NAPG: variants seen among roughly 807,000 people sequenced by gnomAD.
NAPG encodes the protein gamma-soluble NSF attachment protein.
In NAPG, 25 loss-of-function variants were observed where a neutral mutation model predicts 48.4. The ratio of observed to expected loss-of-function variants is 0.52; its 90% CI spans 0.38 to 0.72. The LOEUF (loss-of-function observed/expected upper bound fraction) is 0.72, where lower values mean the gene tolerates loss of function less well. NAPG is among the 30% of genes least tolerant of loss of function. NAPG has a pLI of 0.00. For missense variants in NAPG, 359 were observed against 372.5 expected (o/e 0.96, Z 0.30); for synonymous variants, 139 against 127.2 (o/e 1.09, Z -0.62).
chr18:10,549,008 A>T lies in NAPG; in HGVS notation c.707A>T (p.Glu236Val). 1.2e-6 allele frequency: 2 copies of T among 1,613,946 alleles called. No individual in the cohort carries two copies. Among genetic ancestry groups the T allele is most frequent in the South Asian group, 1.1e-5 (1 of 91,076 alleles). ...FNGSEDCAAL[E>V]QLLEGYDQQD... ...GGCAGTGAAGACTGTGCTGCCCTGGAACAGCTTCTTGAAGGTTATGACCAG... is the reference window on the plus strand; with the variant it reads ...GGCAGTGAAGACTGTGCTGCCCTGGTACAGCTTCTTGAAGGTTATGACCAG... The change falls in exon 11 of 12, where the codon GAA (glutamate) becomes GTA (valine). Residue 236 changes from glutamate (E) to valine (V), a missense_variant. Coordinates refer to ENST00000322897, the MANE Select transcript of NAPG (RefSeq NM_003826.3).
At chr18:10,537,216 C>T (rs1476272321) in intron 5 of NAPG, among the ~76,000 whole-genome samples, 1 of 152,146 alleles carries the variant, frequency 6.6e-6, no homozygotes, top group Admixed American at 6.5e-5. Context: ...GCCTCAACCT[C>T]CCAAAGTGCT....
chr18:10,526,082 G>T lies in NAPG; in HGVS notation c.-21G>T, dbSNP rs754204489. The T allele has an allele frequency of 2.5e-6, 4 of 1,611,304 alleles. No homozygotes were observed. The highest frequency in any genetic ancestry group is 3.4e-6 in the Non-Finnish European group (4 of 1,177,620). On this transcript the variant is annotated 5_prime_UTR_variant, in exon 1 of 12. Coordinates refer to ENST00000322897, the MANE Select transcript of NAPG (RefSeq NM_003826.3). ...AGAGGCAGGGTCACCCTCTCTCCAC[G>T]TCAGAGACCTGACTGTGGAGATGGC... is the stretch of plus-strand genomic sequence containing the variant.
chr18:10,545,560 G>T (rs1483002922), intron 8 of NAPG, among the ~76,000 whole-genome samples: 1 of 152,086 alleles, frequency 6.6e-6, no homozygotes, highest in Non-Finnish European at 1.5e-5. Context: ...GTCTCAAGTT[G>T]TACTACTGAG....
At chr18:10,537,594 T>G (rs1370778588) in intron 5 of NAPG, among the ~76,000 whole-genome samples, 1 of 152,164 alleles carries the variant, frequency 6.6e-6, no homozygotes, top group Non-Finnish European at 1.5e-5. Flanking sequence ...TGTTCAAGGT[T>G]CAGTTGTATT....
In NAPG at chr18:10,551,353, CT is replaced by C. The variant is rs2032390255; in HGVS notation, c.*1134del. 6.6e-6 allele frequency: 1 copy of C among 152,172 alleles called. No homozygotes were observed. The highest frequency in any genetic ancestry group is 2.4e-5 in the African/African-American group (1 of 41,438). 9.4% of individuals were successfully genotyped at this position (152,172 alleles called of 1,614,324 possible). ...ATTGTTTATTTTATTTTGATTGTAA[CT>C]CCGTCATAACTTGACATGGAAAATG... On this transcript the variant is annotated 3_prime_UTR_variant, in exon 12 of 12. Coordinates refer to ENST00000322897, the MANE Select transcript of NAPG (RefSeq NM_003826.3).
rs759182592 is a variant in NAPG, at chr18:10,534,564, T to G, written c.258+68T>G. 11 of 1,512,010 alleles carry G rather than the reference T, an allele frequency of 7.3e-6. No homozygotes were observed. Among genetic ancestry groups the G allele is most frequent in the Non-Finnish European group, 9.2e-6 (10 of 1,089,574 alleles). 93.7% of individuals were successfully genotyped at this position (1,512,010 alleles called of 1,614,324 possible). The stretch of plus-strand genomic sequence containing the variant: ...TTAACTACAAGGTGTTAAACAAGAA[T>G]TTTTGTTGAAGTTGAAAAGCTTCCT... On this transcript the variant is annotated intron_variant, in intron 5 of 11. Coordinates refer to ENST00000322897, the MANE Select transcript of NAPG (RefSeq NM_003826.3). This position sits in a 1 kb window ranked among gnomAD's most constrained non-coding sequence, Gnocchi z 5.0.
chr18:10,536,314 A>C (rs2032031585), intron 5 of NAPG, among the ~76,000 whole-genome samples: 1 of 152,244 alleles, frequency 6.6e-6, no homozygotes, highest in Non-Finnish European at 1.5e-5. Flanking sequence ...AGGACCCCTG[A>C]GCTACGTGGT....
Position 10,533,526 on chromosome 18 carries a change from T to C in NAPG, c.210-10T>C. 1 of 1,598,466 alleles carries C rather than the reference T, an allele frequency of 6.3e-7. No individual in the cohort carries two copies. The highest frequency in any genetic ancestry group is 8.5e-7 in the Non-Finnish European group (1 of 1,173,566). ...TTTTCCTTAACTTTGACTTCGTTAC[T>C]TCCATTCAGTCTTTTTCATGCTGCC... is the stretch of plus-strand genomic sequence containing the variant. On this transcript the variant is annotated splice_polypyrimidine_tract_variant and intron_variant, in intron 3 of 11. Coordinates refer to ENST00000322897, the MANE Select transcript of NAPG (RefSeq NM_003826.3).
chr18:10,535,945 G>A (rs548615358), intron 5 of NAPG, among the ~76,000 whole-genome samples: 1 of 152,306 alleles, frequency 6.6e-6, no homozygotes, highest in African/African-American at 2.4e-5. Flanking sequence ...TACGGCCAAA[G>A]AAGCTGGGGA....
At chr18:10,540,162 A>G in intron 7 of NAPG, 108 bp downstream of exon 7, 3 of 1,079,140 alleles carry the variant, frequency 2.8e-6, no homozygotes, top group Non-Finnish European at 4.0e-6. Flanking sequence ...TTCCCTGCTC[A>G]CAGTTGCACG....
intron 4 of NAPG, among the ~76,000 whole-genome samples, chr18:10,533,821 C>CT (rs1285183554): frequency 2.0e-5 from 3 of 152,034 alleles, no homozygotes; most frequent in African/African-American, 7.2e-5. Context: ...GTTAGGATCT[C>CT]TTTTTTCCTC....
At chr18:10,526,272 C>T (rs1449663062) in intron 1 of NAPG, 114 bp downstream of exon 1, 3 of 754,360 alleles carry the variant, frequency 4.0e-6, no homozygotes, top group Admixed American at 2.3e-5. Context: ...GGGGCCTCGG[C>T]GCGCTGGTGC....
intron 1 of NAPG, among the ~76,000 whole-genome samples, chr18:10,528,682 C>A (rs1335412741): frequency 6.6e-6 from 1 of 152,056 alleles, no homozygotes; most frequent in Non-Finnish European, 1.5e-5. Context: ...TCCTAGGTTT[C>A]TAACTTGGGA....
intron 7 of NAPG, 83 bp from the exon 8 acceptor site, chr18:10,540,246 A>G: frequency 2.4e-6 from 3 of 1,267,712 alleles, no homozygotes; most frequent in Non-Finnish European, 3.4e-6. Flanking sequence ...CAGTGCCATT[A>G]CTTCTTTACA....
intron 3 of NAPG, 136 bp downstream of exon 3, chr18:10,532,931 A>G (rs1224977153): frequency 7.5e-6 from 6 of 798,938 alleles, no homozygotes; most frequent in South Asian, 6.0e-5. Context: ...AAAATTCTGT[A>G]TTTTTAAACT....
chr18:10,538,680 T>C (rs930946164), intron 5 of NAPG, among the ~76,000 whole-genome samples: 4 of 152,228 alleles, frequency 2.6e-5, no homozygotes, highest in African/African-American at 9.6e-5. Context: ...GGTACCTTTT[T>C]GATTGGGTTT....
At position 10,530,814 on chromosome 18, in the gene NAPG, C is replaced by T; in HGVS notation, c.101C>T (p.Ala34Val). The change falls in exon 2 of 12, where the codon GCC (alanine) becomes GTC (valine). Residue 34 changes from alanine to valine, a missense_variant. By Grantham distance (64) the Ala-to-Val change is moderately conservative. Coordinates refer to ENST00000322897, the MANE Select transcript of NAPG (RefSeq NM_003826.3). ...FLKWKPDYDS[A>V]ASEYGKAAVA... is the part of the protein sequence containing the mutation. ...AAATGGAAGCCAGATTATGACAGTG[C>T]CGCTTCTGAATATGGAAAAGCAGGT... 1 of 1,584,654 alleles carries T rather than the reference C, an allele frequency of 6.3e-7. No individual in the cohort carries two copies. The highest frequency in any genetic ancestry group is 2.3e-5 in the East Asian group (1 of 44,196).
Position 10,550,245 on chromosome 18 carries a change from G to A in NAPG, c.*25G>A. On this transcript the variant is annotated 3_prime_UTR_variant, in exon 12 of 12. Coordinates refer to ENST00000322897, the MANE Select transcript of NAPG (RefSeq NM_003826.3). Reference sequence around the variant, plus strand: ...GTATTTTGCTTGCTGAAAAGAAAAGGGAAACAAAGGTAAAATCCTGACATG... The same window carrying A: ...GTATTTTGCTTGCTGAAAAGAAAAGAGAAACAAAGGTAAAATCCTGACATG... The A allele has an allele frequency of 6.4e-7, 1 of 1,562,818 alleles. No individual in the cohort carries two copies. The highest frequency in any genetic ancestry group is 1.2e-5 in the South Asian group (1 of 82,250).
chr18:10,543,398 G>A lies in NAPG; in HGVS notation c.507-2928G>A, dbSNP rs949622634. The stretch of plus-strand genomic sequence containing the variant: ...ATGTGTGCTATTAAGGAGAATCACT[G>A]GGTTTCTGTCTTGCATAACTGTTCT... On this transcript the variant is annotated intron_variant, in intron 8 of 11. Transcript: ENST00000322897. This position sits in a 1 kb window ranked among gnomAD's most constrained non-coding sequence, Gnocchi z 4.4. Among the ~76,000 whole-genome samples the A allele has an allele frequency of 6.6e-6, 1 of 152,152 alleles. No homozygotes were observed. The highest frequency in any genetic ancestry group is 2.4e-5 in the African/African-American group (1 of 41,418).
Sources: gnomAD v4.1 joint callset for allele counts (sites outside exome capture counted in the v4.1 genomes callset) on GRCh38, gnomAD v4.1.1 for gene constraint, Gnocchi (gnomAD v3.1) non-coding constraint, MANE v1.5 for transcripts, NCBI Gene and HGNC (gene_info 2026-07-23, HGNC 2026-07-21) for gene names.